The following ANKHD1 variants were observed in gnomAD, a reference collection of about 807,000 sequenced individuals.
ANKHD1 encodes ankyrin repeat and KH domain containing 1.
ANKHD1 carries 31 observed loss-of-function variants against 230.5 expected under a neutral mutation model. That is an observed-to-expected ratio of 0.13 (90% CI 0.10 to 0.18). The LOEUF (loss-of-function observed/expected upper bound fraction) is 0.18. Among genes scored for constraint, ANKHD1 ranks in the 10% least tolerant of loss-of-function variants. The pLI is 1.00. For synonymous variants in ANKHD1, 1,074 were observed against 1,117.6 expected (o/e 0.96, Z 0.78); for missense variants, 2,256 against 3,071.3 (o/e 0.73, Z 6.27).
intron 6 of ANKHD1, 92 bp from the exon 7 acceptor site, chr5:140,449,119 T>C (rs2126940400): frequency 1.5e-6 from 2 of 1,294,304 alleles, no homozygotes; most frequent in Non-Finnish European, 1.1e-6. Flanking sequence ...CAAATTCTTG[T>C]ATAGACATCT....
intron 10 of ANKHD1, among the ~76,000 whole-genome samples, chr5:140,480,106 T>G (rs1213195004): frequency 2.0e-5 from 3 of 151,422 alleles, no homozygotes; most frequent in African/African-American, 7.3e-5. Flanking sequence ...TATTGTGTGT[T>G]GTGGGATATA....
intron 1 of ANKHD1, among the ~76,000 whole-genome samples, chr5:140,431,891 GC>G (rs1275232918): frequency 2.0e-5 from 3 of 152,242 alleles, no homozygotes; most frequent in South Asian, 2.1e-4. Flanking sequence ...TTATGAATGT[GC>G]CATCTTATTT....
At chr5:140,413,746 A>G (rs1003228314) in intron 1 of ANKHD1, among the ~76,000 whole-genome samples, 62 of 151,630 alleles carry the variant, frequency 4.1e-4, no homozygotes, top group Non-Finnish European at 5.9e-5. Context: ...CACACTCCCT[A>G]TATTTTATTT....
intron 9 of ANKHD1, among the ~76,000 whole-genome samples, chr5:140,459,777 T>C (rs532561206): frequency 1.3e-5 from 2 of 151,782 alleles, no homozygotes; most frequent in Admixed American, 6.6e-5. Flanking sequence ...AAAATAAAAT[T>C]AAATTAAATA....
intron 17 of ANKHD1, 22 bp from the exon 18 acceptor site, chr5:140,505,702 A>C: frequency 6.4e-7 from 1 of 1,574,026 alleles, no homozygotes. Context: ...AATTTGTTTA[A>C]GATTTTCATT....
intron 2 of ANKHD1, among the ~76,000 whole-genome samples, chr5:140,437,857 A>C (rs1773568104): frequency 6.6e-6 from 1 of 152,216 alleles, no homozygotes; most frequent in Non-Finnish European, 1.5e-5. Context: ...ATAAATGAAA[A>C]ATACCTCACC....
chr5:140,510,393 A>T (rs1279268502), intron 22 of ANKHD1, among the ~76,000 whole-genome samples: 1 of 146,608 alleles, frequency 6.8e-6, no homozygotes, highest in African/African-American at 2.5e-5. Flanking sequence ...GCTCACTGCA[A>T]CCTCTGCCTC....
rs115226079 is a variant in ANKHD1 at position 140,496,298 on chromosome 5, A to G, written c.2246-222A>G. ...AAACTTCACAGTTTTTGAATTAGCA[A>G]CATCCTAGTTTGTGCTGCTTGAAAT... On this transcript the variant is annotated intron_variant, in intron 14 of 33. Coordinates refer to ENST00000360839, the MANE Select transcript of ANKHD1 (RefSeq NM_017747.3). Among the ~76,000 whole-genome samples, 553 of 152,124 alleles carry G rather than the reference A, an allele frequency of 3.6e-3. 6 individuals are homozygous for G. Among genetic ancestry groups the G allele is most frequent in the African/African-American group, 0.013 (539 of 41,490 alleles).
chr5:140,403,659 C>T (rs1304926267), intron 1 of ANKHD1, among the ~76,000 whole-genome samples: 1 of 151,996 alleles, frequency 6.6e-6, no homozygotes, highest in Non-Finnish European at 1.5e-5. Flanking sequence ...TCCCAAGGGG[C>T]GGTATTTTAT....
chr5:140,523,308 A>G (rs929406721), intron 24 of ANKHD1, among the ~76,000 whole-genome samples: 1 of 151,424 alleles, frequency 6.6e-6, no homozygotes, highest in African/African-American at 2.4e-5. Context: ...GGATCTTGCT[A>G]TATTGCCCAG....
intron 17 of ANKHD1, 143 bp from the exon 18 acceptor site, chr5:140,505,581 G>A (rs1213631405): frequency 2.4e-6 from 3 of 1,267,034 alleles, no homozygotes; most frequent in Non-Finnish European, 3.1e-6. Flanking sequence ...ACAAATTAGG[G>A]TTTAGAGCAG....
chr5:140,509,574 T>A, intron 20 of ANKHD1, 63 bp from the exon 21 acceptor site: 1 of 1,429,754 alleles, frequency 7.0e-7, no homozygotes, highest in Non-Finnish European at 9.2e-7. Flanking sequence ...AGCTTAGTTT[T>A]GGTCTACGGA....
At chr5:140,414,164 A>G (rs1193872316) in intron 1 of ANKHD1, among the ~76,000 whole-genome samples, 1 of 152,196 alleles carries the variant, frequency 6.6e-6, no homozygotes, top group African/African-American at 2.4e-5. Context: ...ATAGATATGC[A>G]AATATCTCTT....
intron 7 of ANKHD1, among the ~76,000 whole-genome samples, chr5:140,455,088 C>G (rs1312990039): frequency 1.3e-5 from 2 of 152,216 alleles, no homozygotes; most frequent in Admixed American, 6.5e-5. Context: ...ATAAACACCT[C>G]TATGCAAATA....
rs1177603991 is a variant in ANKHD1, at chr5:140,402,061, C to T, written c.94C>T (p.Pro32Ser). 2 of 1,490,626 alleles carry T rather than the reference C, an allele frequency of 1.3e-6. No individual in the cohort carries two copies. Among genetic ancestry groups the T allele is most frequent in the East Asian group, 2.6e-5 (1 of 38,718 alleles). The allele number at this position is 1,490,626 out of a possible 1,614,324, so 92.3% of individuals were successfully genotyped here. A position where few individuals can be genotyped will look rare whatever the true frequency, so the allele number is the denominator to read the frequency against. Residue 32 changes from proline (P) to serine (S), a missense_variant, in exon 1 of 34, where the codon CCT becomes TCT. By Grantham distance (74) the Pro-to-Ser change is moderately conservative. Coordinates refer to ENST00000360839, the MANE Select transcript of ANKHD1 (RefSeq NM_017747.3). ...RSAPAGASEP[P>S]PPGGVGLGIR... ...CGCCCCAGCTGGGGCCTCGGAGCCG[C>T]CTCCGCCGGGAGGGGTCGGTCTGGG...
chr5:140,467,860 A>G (rs1776202452), intron 10 of ANKHD1, among the ~76,000 whole-genome samples: 1 of 152,032 alleles, frequency 6.6e-6, no homozygotes, highest in African/African-American at 2.4e-5. Flanking sequence ...ACTTTATCTT[A>G]CAAGGCAGTA....
At chr5:140,497,871 A>G (rs1581340054) in intron 15 of ANKHD1, among the ~76,000 whole-genome samples, 1 of 131,664 alleles carries the variant, frequency 7.6e-6, no homozygotes, top group Non-Finnish European at 1.6e-5. Flanking sequence ...ACACAACCAC[A>G]CCACACCACA....
chr5:140,485,066 A>G lies in ANKHD1; in HGVS notation c.1871-55A>G, dbSNP rs934796167. The G allele has an allele frequency of 5.2e-6, 8 of 1,551,294 alleles. No individual in the cohort carries two copies. Among genetic ancestry groups the G allele is most frequent in the South Asian group, 2.4e-5 (2 of 84,970 alleles). ...AAAAAATTTTTAAATGATATTGACTATGAACTAGCTTGATGTCAACCTTTG... is the reference window on the plus strand; with the variant it reads ...AAAAAATTTTTAAATGATATTGACTGTGAACTAGCTTGATGTCAACCTTTG... On this transcript the variant is annotated intron_variant, in intron 11 of 33. Transcript: ENST00000360839. This position sits in a 1 kb window ranked among gnomAD's most constrained non-coding sequence, Gnocchi z 4.8.
intron 20 of ANKHD1, among the ~76,000 whole-genome samples, chr5:140,509,378 G>GT (rs1290806585): frequency 1.3e-5 from 2 of 152,174 alleles, no homozygotes; most frequent in Non-Finnish European, 2.9e-5. Context: ...AAGTATAGAA[G>GT]TTACAGAATT....
Sources: gnomAD v4.1 joint callset for allele counts (sites outside exome capture counted in the v4.1 genomes callset) on GRCh38, gnomAD v4.1.1 for gene constraint, Gnocchi (gnomAD v3.1) non-coding constraint, MANE v1.5 for transcripts, NCBI Gene and HGNC (gene_info 2026-07-23, HGNC 2026-07-21) for gene names.